Variants in KIAA1549L observed in about 807,000 individuals in gnomAD.
The protein encoded by KIAA1549L is UPF0606 protein KIAA1549L.
A neutral mutation model predicts 160.7 loss-of-function variants in KIAA1549L; 88 were observed. The ratio of observed to expected loss-of-function variants is 0.55; its 90% confidence interval spans 0.46 to 0.65. KIAA1549L has a LOEUF of 0.65. Among genes scored for constraint, KIAA1549L ranks in the 30% least tolerant of loss-of-function variants. KIAA1549L has a pLI of 0.00. For synonymous variants in KIAA1549L, 950 were observed against 976.7 expected, an observed-to-expected ratio of 0.97 and a Z score of 0.51; for missense variants, 2,258 against 2,437.5, an observed-to-expected ratio of 0.93 and a Z score of 1.55.
chr11:33,582,262 T>C (rs941111088), intron 10 of KIAA1549L, among the ~76,000 whole-genome samples: 1 of 152,122 alleles, frequency 6.6e-6, no homozygotes, highest in African/African-American at 2.4e-5. Flanking sequence ...AAATGAGAGG[T>C]AGATCTTGGC....
chr11:33,597,686 T>C (rs1310656799), intron 12 of KIAA1549L, among the ~76,000 whole-genome samples: 1 of 152,172 alleles, frequency 6.6e-6, no homozygotes, highest in Non-Finnish European at 1.5e-5. Context: ...TGGATCCCAT[T>C]CCCTGACAGA....
intron 1 of KIAA1549L, among the ~76,000 whole-genome samples, chr11:33,469,863 G>A (rs1216380993): frequency 2.0e-5 from 3 of 152,102 alleles, no homozygotes; most frequent in Admixed American, 6.6e-5. Context: ...ACAAAAATTG[G>A]ATTATTTGTC....
rs746620796 is a variant in KIAA1549L at position 33,545,050 on chromosome 11, G to A, written c.3057G>A (p.Thr1019=). Residue 1019 remains threonine (T), a synonymous_variant, in exon 3 of 21, where the codon ACG becomes ACA. Transcript: ENST00000658780. ...TGTATGCAAGAACAGGACATACCAC[G>A]AGCACACATACAGCCATGCAAGGAA... The part of the protein sequence containing the change: ...TYMYARTGHT[T]STHTAMQGNM... The A allele has an allele frequency of 1.4e-5, 22 of 1,613,806 alleles. No individual in the cohort carries two copies. The highest frequency in any genetic ancestry group is 8.3e-5 in the Admixed American group (5 of 59,996).
chr11:33,560,367 T>C (rs1854812147), intron 7 of KIAA1549L, among the ~76,000 whole-genome samples: 1 of 152,182 alleles, frequency 6.6e-6, no homozygotes, highest in Non-Finnish European at 1.5e-5. Context: ...TTCTGCCTGC[T>C]AGGGCAACCG....
chr11:33,578,417 A>G (rs1372310673), intron 10 of KIAA1549L, among the ~76,000 whole-genome samples: 1 of 152,018 alleles, frequency 6.6e-6, no homozygotes, highest in Non-Finnish European at 1.5e-5. Flanking sequence ...TTCCACAGTC[A>G]CTCACAAATC....
At chr11:33,651,234 C>T (rs531875916) in intron 17 of KIAA1549L, among the ~76,000 whole-genome samples, 1 of 152,176 alleles carries the variant, frequency 6.6e-6, no homozygotes, top group Non-Finnish European at 1.5e-5. Context: ...GTCAGGAGTG[C>T]AAGACCAGCC....
intron 1 of KIAA1549L, among the ~76,000 whole-genome samples, chr11:33,436,801 CTG>C (rs1851390116): frequency 6.6e-6 from 1 of 152,126 alleles, no homozygotes; most frequent in Non-Finnish European, 1.5e-5. Context: ...GATGAGAAAA[CTG>C]AGATGATGGA....
chr11:33,423,074 T>G (rs1278319956), intron 1 of KIAA1549L, among the ~76,000 whole-genome samples: 1 of 152,230 alleles, frequency 6.6e-6, no homozygotes, highest in Non-Finnish European at 1.5e-5. Flanking sequence ...GTTTGGCCTT[T>G]TATTACATGT....
chr11:33,618,584 G>T lies in KIAA1549L; in HGVS notation c.5331G>T (p.Pro1777=). The change falls in exon 16 of 21, where the codon CCG becomes CCT. Residue 1777 remains proline (P), a synonymous_variant. Transcript: ENST00000658780. ...VYRSRQSLNS[P]SPGETEMDLL... ...GAAGCCGGCAGTCTCTGAACAGCCC[G>T]AGTCCAGGGGAAACCGAGATGGACC... 6.2e-7 allele frequency: 1 copy of T among 1,611,346 alleles called. No homozygotes were observed. Among genetic ancestry groups the T allele is most frequent in the Non-Finnish European group, 8.5e-7 (1 of 1,178,386 alleles).
chr11:33,467,613 A>G (rs1312998138), intron 1 of KIAA1549L, among the ~76,000 whole-genome samples: 1 of 152,256 alleles, frequency 6.6e-6, no homozygotes, highest in African/African-American at 2.4e-5. Context: ...CCCAAACACC[A>G]GATCCCAAGA....
At chr11:33,453,639 G>A (rs562814754) in intron 1 of KIAA1549L, among the ~76,000 whole-genome samples, 8 of 152,222 alleles carry the variant, frequency 5.3e-5, no homozygotes, top group Middle Eastern at 3.4e-3. Flanking sequence ...AAGAGTTGTC[G>A]GGGTGATAGG....
At chr11:33,519,849 A>G (rs1006018951) in intron 1 of KIAA1549L, among the ~76,000 whole-genome samples, 3 of 151,868 alleles carry the variant, frequency 2.0e-5, no homozygotes, top group African/African-American at 7.3e-5. Context: ...CCCTCCTCAC[A>G]TTTCCTCTTT....
rs1234826342 is a variant in KIAA1549L at position 33,530,434 on chromosome 11, AAAATATATATATATATATATATATATAT to A, written c.239-11366_239-11339del. On this transcript the variant is annotated intron_variant, in intron 1 of 20. Transcript: ENST00000658780. ...AGAAGGAAAAAAAAAAAAAAAAAAA[AAAATATATATATATATATATATATATAT>A]ATATATATATATATATATATATGCA... Among the ~76,000 whole-genome samples, 21 of 6,850 alleles carry A rather than the reference AAAATATATATATATATATATATATATAT, an allele frequency of 3.1e-3. 3 individuals are homozygous for A. Among genetic ancestry groups the A allele is most frequent in the African/African-American group, 8.8e-3 (14 of 1,588 alleles). 4.5% of individuals were successfully genotyped at this position (6,850 alleles called of 152,430 possible).
At chr11:33,412,061 A>G (rs915065315) in intron 1 of KIAA1549L, among the ~76,000 whole-genome samples, 5 of 152,116 alleles carry the variant, frequency 3.3e-5, no homozygotes, top group Admixed American at 6.5e-5. Context: ...AAACATTCTC[A>G]TTTCTGTTTT....
At chr11:33,646,535 A>G (rs1851728691) in intron 17 of KIAA1549L, among the ~76,000 whole-genome samples, 1 of 152,238 alleles carries the variant, frequency 6.6e-6, no homozygotes, top group South Asian at 2.1e-4. Flanking sequence ...TAAATGAAAA[A>G]TTTTGAAAAC....
intron 16 of KIAA1549L, among the ~76,000 whole-genome samples, chr11:33,625,939 A>C (rs753079737): frequency 1.1e-4 from 16 of 149,202 alleles, no homozygotes; most frequent in South Asian, 4.2e-4. Flanking sequence ...TTTTTGTATA[A>C]GGTGTAAGGA....
At chr11:33,524,194 A>T (rs552159907) in intron 1 of KIAA1549L, among the ~76,000 whole-genome samples, 1 of 152,164 alleles carries the variant, frequency 6.6e-6, no homozygotes, top group African/African-American at 2.4e-5. Flanking sequence ...GATTTTGATT[A>T]TCGACATTAT....
At chr11:33,423,494 A>C (rs955658565) in intron 1 of KIAA1549L, among the ~76,000 whole-genome samples, 1 of 152,230 alleles carries the variant, frequency 6.6e-6, no homozygotes, top group Admixed American at 6.5e-5. Flanking sequence ...AGGAAAAATT[A>C]ATCTTATTCA....
intron 1 of KIAA1549L, among the ~76,000 whole-genome samples, chr11:33,408,489 G>GTATGTGTATATA (rs1554974405): frequency 5.7e-5 from 7 of 123,076 alleles, no homozygotes; most frequent in African/African-American, 1.9e-4. Context: ...CTGTATATGT[G>GTATGTGTATATA]TATATATATA....
Sources: gnomAD v4.1 joint callset for allele counts (sites outside exome capture counted in the v4.1 genomes callset) on GRCh38, gnomAD v4.1.1 for gene constraint, MANE v1.5 for transcripts, NCBI Gene and HGNC (gene_info 2026-07-23, HGNC 2026-07-21) for gene names.